SQOR: variants seen among roughly 807,000 people sequenced by gnomAD.
The protein encoded by SQOR is sulfide:quinone oxidoreductase, mitochondrial.
Under a neutral mutation model 48.6 loss-of-function variants are expected in SQOR, and 39 were observed. That is an observed-to-expected ratio of 0.80 (90% confidence interval 0.62 to 1.05). The LOEUF (loss-of-function observed/expected upper bound fraction) is 1.05, where lower values mean the gene tolerates loss of function less well. Among genes scored for constraint, SQOR ranks in the 50% least tolerant of loss-of-function variants. The probability of loss-of-function intolerance (pLI) is 0.00; values close to 1 mark genes in which losing one functional copy is unlikely to be tolerated. For synonymous variants in SQOR, 220 were observed against 206.2 expected (o/e 1.07, Z -0.57); for missense variants, 561 against 559.9 (o/e 1.00, Z -0.02).
chr15:45,640,152 C>T (rs1366735712), intron 1 of SQOR, among the ~76,000 whole-genome samples: 1 of 152,212 alleles, frequency 6.6e-6, no homozygotes, highest in Non-Finnish European at 1.5e-5. Flanking sequence ...ATGTTCCAGA[C>T]CTGCTTATTA....
At position 45,673,651 on chromosome 15, in the gene SQOR, G is replaced by A. The variant is rs775674151; in HGVS notation, c.504G>A (p.Ser168=). 6.8e-6 allele frequency: 11 copies of A among 1,614,050 alleles called. 1 individual carries two copies. The highest frequency in any genetic ancestry group is 3.3e-5 in the South Asian group (3 of 91,084). ...GTTTCGCTCATCCCAAAATAGGGTC[G>A]AATTATTCAGTTAAGACTGTAGAGA... ...PEGFAHPKIG[S]NYSVKTVEKT... The change falls in exon 5 of 10, where the codon TCG becomes TCA. Residue 168 remains serine, a synonymous_variant. Coordinates refer to ENST00000260324, the MANE Select transcript of SQOR (RefSeq NM_021199.4).
At chr15:45,668,241 C>G (rs1889874334) in intron 3 of SQOR, among the ~76,000 whole-genome samples, 1 of 152,086 alleles carries the variant, frequency 6.6e-6, no homozygotes, top group Non-Finnish European at 1.5e-5. Flanking sequence ...ACTGCACTGG[C>G]CAAGACATCA....
At chr15:45,667,941 CTTTTT>C (rs1204451548) in intron 3 of SQOR, among the ~76,000 whole-genome samples, 16 of 103,278 alleles carry the variant, frequency 1.5e-4, no homozygotes, top group South Asian at 1.1e-3. Flanking sequence ...TTCTTTCTTT[CTTTTT>C]TTTTTTTTTT....
intron 6 of SQOR, among the ~76,000 whole-genome samples, chr15:45,679,244 C>T (rs1268534457): frequency 1.3e-5 from 2 of 152,204 alleles, no homozygotes; most frequent in Non-Finnish European, 2.9e-5. Context: ...GGATGTAAAG[C>T]TGTGGCTCTT....
intron 8 of SQOR, 95 bp downstream of exon 8, chr15:45,688,499 CT>C (rs1566924892): frequency 2.3e-6 from 2 of 857,450 alleles, no homozygotes; most frequent in Non-Finnish European, 3.5e-6. Flanking sequence ...TCTGTCTTTT[CT>C]TTTTTTCTGT....
At chr15:45,675,112 G>C (rs1890013570) in intron 5 of SQOR, among the ~76,000 whole-genome samples, 1 of 152,142 alleles carries the variant, frequency 6.6e-6, no homozygotes. Flanking sequence ...TTACCCACCT[G>C]AATTCTTCAA....
At chr15:45,686,805 G>A (rs1180476119) in intron 7 of SQOR, among the ~76,000 whole-genome samples, 1 of 152,154 alleles carries the variant, frequency 6.6e-6, no homozygotes, top group Non-Finnish European at 1.5e-5. Context: ...ACAAACTGCT[G>A]TATCTTCATT....
chr15:45,635,705 T>C lies in SQOR; in HGVS notation c.-18+597T>C, dbSNP rs8027534. On this transcript the variant is annotated intron_variant, in intron 1 of 9. Coordinates refer to ENST00000260324, the MANE Select transcript of SQOR (RefSeq NM_021199.4). ...TCTTTTATTTATCAAAATTCCAACCTGGCTTTTTGCTCAAAGACGCTGAAC... is the reference window on the plus strand; with the variant it reads ...TCTTTTATTTATCAAAATTCCAACCCGGCTTTTTGCTCAAAGACGCTGAAC... Among the ~76,000 whole-genome samples, 1,246 of 152,334 alleles carry C rather than the reference T, an allele frequency of 8.2e-3. 11 individuals carry two copies. The highest frequency in any genetic ancestry group is 0.029 in the African/African-American group (1,192 of 41,582).
chr15:45,650,558 A>G (rs965512143), intron 1 of SQOR, among the ~76,000 whole-genome samples: 4 of 152,218 alleles, frequency 2.6e-5, no homozygotes, highest in Admixed American at 2.0e-4. Flanking sequence ...ACAACACGAA[A>G]GAGGACCAGA....
Position 45,682,480 on chromosome 15 carries a change from T to C in SQOR, c.867T>C (p.Tyr289=), listed in dbSNP as rs1397528021. The C allele has an allele frequency of 8.7e-6, 14 of 1,614,052 alleles. No individual in the cohort carries two copies. The South Asian group carries it at 1.5e-4, about 18-fold the overall frequency. Residue 289 remains tyrosine, a splice_region_variant and synonymous_variant, in exon 7 of 10, where the codon TAT becomes TAC. Transcript: ENST00000260324. ...GTGGATTCTCTCTTTGTGTGTAGTA[T>C]GAAATGCTTCATGTCACACCTCCAA... is the stretch of plus-strand genomic sequence containing the variant. ...DKPGETQVIS[Y]EMLHVTPPMS... is the part of the protein sequence containing the mutation.
chr15:45,653,360 A>G (rs1354810906), intron 1 of SQOR, among the ~76,000 whole-genome samples: 1 of 152,096 alleles, frequency 6.6e-6, no homozygotes, highest in East Asian at 1.9e-4. Flanking sequence ...ATAATCAGCT[A>G]GAACTACTCA....
chr15:45,649,658 T>A (rs1424529528), intron 1 of SQOR, among the ~76,000 whole-genome samples: 1 of 152,048 alleles, frequency 6.6e-6, no homozygotes, highest in South Asian at 2.1e-4. Flanking sequence ...TTTTTTTGTA[T>A]TTTTGGTAGA....
chr15:45,690,817 C>T (rs577185468), intron 9 of SQOR, among the ~76,000 whole-genome samples, 156 bp from the exon 10 acceptor site: 24 of 152,188 alleles, frequency 1.6e-4, no homozygotes, highest in African/African-American at 5.3e-4. Flanking sequence ...TTGTCCCCTC[C>T]TAGTCATGGG....
chr15:45,669,309 G>A (rs932490830), intron 3 of SQOR, among the ~76,000 whole-genome samples: 2 of 151,894 alleles, frequency 1.3e-5, no homozygotes, highest in Non-Finnish European at 2.9e-5. Flanking sequence ...GACTACAGGT[G>A]CATGCCACCG....
At chr15:45,658,728 C>G (rs1024308638) in intron 1 of SQOR, among the ~76,000 whole-genome samples, 179 bp from the exon 2 acceptor site, 2 of 152,150 alleles carry the variant, frequency 1.3e-5, no homozygotes, top group Non-Finnish European at 2.9e-5. Context: ...TGATAGCTAC[C>G]AATTGGGTGC....
intron 1 of SQOR, among the ~76,000 whole-genome samples, chr15:45,643,920 C>T (rs560903399): frequency 2.0e-5 from 3 of 152,200 alleles, no homozygotes; most frequent in African/African-American, 4.8e-5. Context: ...AGGAAGGCCA[C>T]GTGCTGCTTC....
At chr15:45,666,357 G>A (rs1889816273) in intron 3 of SQOR, among the ~76,000 whole-genome samples, 1 of 152,162 alleles carries the variant, frequency 6.6e-6, no homozygotes, top group African/African-American at 2.4e-5. Context: ...TGAAGGGCAG[G>A]AAGTGTATCT....
Position 45,669,923 on chromosome 15 carries a change from T to G in SQOR, c.406-5T>G, listed in dbSNP as rs1231055310. 1 of 1,613,774 alleles carries G rather than the reference T, an allele frequency of 6.2e-7. No homozygotes were observed. The highest frequency in any genetic ancestry group is 8.5e-7 in the Non-Finnish European group (1 of 1,179,614). Reference sequence around the variant, plus strand: ...GGTCTAAAATAATGTCTTTTTGTGTTGCAGATCTCCTACCGATATCTTATT... The same window carrying G: ...GGTCTAAAATAATGTCTTTTTGTGTGGCAGATCTCCTACCGATATCTTATT... On this transcript the variant is annotated splice_region_variant and splice_polypyrimidine_tract_variant and intron_variant, in intron 3 of 9. Coordinates refer to ENST00000260324, the MANE Select transcript of SQOR (RefSeq NM_021199.4).
At chr15:45,648,632 GA>G (rs1473108771) in intron 1 of SQOR, among the ~76,000 whole-genome samples, 3 of 152,336 alleles carry the variant, frequency 2.0e-5, no homozygotes, top group South Asian at 2.1e-4. Context: ...TGAGGAGGAG[GA>G]GGAGTTTTCC....
Sources: allele counts gnomAD v4.1 joint callset (sites outside exome capture counted in the v4.1 genomes callset), GRCh38; gene constraint gnomAD v4.1.1; transcripts MANE v1.5; gene names NCBI Gene and HGNC (gene_info 2026-07-23, HGNC 2026-07-21).